Variants in INO80 observed in about 807,000 individuals in gnomAD.
INO80 encodes the protein INO80 complex ATPase subunit.
INO80 carries 20 observed loss-of-function variants against 203.4 expected under a neutral mutation model. The observed-to-expected ratio is 0.10, with a 90% CI of 0.07 to 0.14. The LOEUF (loss-of-function observed/expected upper bound fraction) is 0.14, where lower values mean the gene tolerates loss of function less well. Ranked by LOEUF, INO80 falls within the 10% of genes least tolerant of loss-of-function variation. The pLI is 1.00. For synonymous variants in INO80, 726 were observed against 685.2 expected (o/e 1.06, Z -0.93); for missense variants, 1,419 against 1,914.4 (o/e 0.74, Z 4.83).
intron 32 of INO80, 60 bp downstream of exon 32, chr15:40,985,278 C>CT: frequency 8.0e-7 from 1 of 1,248,946 alleles, no homozygotes; most frequent in Non-Finnish European, 1.2e-6. Context: ...ACCCCAAAGC[C>CT]TTTTTGGTAA....
chr15:41,067,089 C>A (rs1209270824), intron 14 of INO80, among the ~76,000 whole-genome samples: 2 of 151,690 alleles, frequency 1.3e-5, no homozygotes, highest in Non-Finnish European at 2.9e-5. Flanking sequence ...TTTCTTTTTT[C>A]TTTTTGAGAC....
At chr15:41,073,106 T>C (rs1475461585) in intron 11 of INO80, among the ~76,000 whole-genome samples, 1 of 151,986 alleles carries the variant, frequency 6.6e-6, no homozygotes, top group Non-Finnish European at 1.5e-5. Flanking sequence ...TAAACATCTA[T>C]GATACATTTC....
intron 23 of INO80, among the ~76,000 whole-genome samples, chr15:41,045,791 C>T (rs2044747586): frequency 6.6e-6 from 1 of 151,630 alleles, no homozygotes; most frequent in African/African-American, 2.4e-5. Context: ...ATCCCAGCTA[C>T]TTGGGAGGCT....
At chr15:41,071,642 G>A (rs1454200820) in intron 12 of INO80, among the ~76,000 whole-genome samples, 2 of 149,284 alleles carry the variant, frequency 1.3e-5, no homozygotes, top group South Asian at 4.2e-4. Context: ...TTTTTTTTTA[G>A]TAGAGATGGG....
chr15:41,083,365 A>G (rs1490275601), intron 7 of INO80, among the ~76,000 whole-genome samples: 2 of 152,128 alleles, frequency 1.3e-5, no homozygotes, highest in East Asian at 3.8e-4. Flanking sequence ...TTAATTTTAC[A>G]GTAGCAAAAC....
Position 41,096,114 on chromosome 15 carries a change from G to C in INO80, c.143+54C>G. ...ACTTTAATCCTGTAAAATCTGTAAG[G>C]ATGATGGAAATCAGGAATTTGGTAA... On this transcript the variant is annotated intron_variant, in intron 2 of 35. Transcript: ENST00000648947. 3 of 1,525,008 alleles carry C rather than the reference G, an allele frequency of 2.0e-6. No individual in the cohort carries two copies. In the South Asian group the frequency reaches 3.8e-5, roughly 20 times the overall value. 94.5% of individuals were successfully genotyped at this position (1,525,008 alleles called of 1,614,324 possible).
At chr15:41,110,592 C>T (rs938166491) in intron 1 of INO80, among the ~76,000 whole-genome samples, 6 of 152,268 alleles carry the variant, frequency 3.9e-5, no homozygotes, top group African/African-American at 1.4e-4. Context: ...GCATGCACCA[C>T]CACACCCGGC....
At position 41,095,771 on chromosome 15, in the gene INO80, C is replaced by T. The variant is rs149372207; in HGVS notation, c.301G>A (p.Val101Ile). The change falls in exon 3 of 36, where the codon GTT becomes ATT. Residue 101 changes from valine to isoleucine, a missense_variant. Transcript: ENST00000648947. ...GMLNTYSLNG[V>I]LQSESKCDKG... ...ACACCACACTGACCTGACTGTAGAA[C>T]TCCATTCAGAGAATATGTGTTTAAC... The T allele has an allele frequency of 5.0e-5, 80 of 1,613,980 alleles. No homozygotes were observed. The highest frequency in any genetic ancestry group is 6.1e-5 in the Non-Finnish European group (72 of 1,180,022).
intron 7 of INO80, among the ~76,000 whole-genome samples, chr15:41,083,733 A>T (rs1420273865): frequency 6.7e-6 from 1 of 149,610 alleles, no homozygotes; most frequent in East Asian, 2.0e-4. Flanking sequence ...AAAAAAAAAA[A>T]TTAAAACACA....
chr15:41,058,777 G>A lies in INO80; in HGVS notation c.1847C>T (p.Thr616Ile). 1 of 1,611,122 alleles carries A rather than the reference G, an allele frequency of 6.2e-7. No homozygotes were observed. The highest frequency in any genetic ancestry group is 8.5e-7 in the Non-Finnish European group (1 of 1,178,770). Residue 616 changes from threonine to isoleucine, a missense_variant, in exon 16 of 36, where the codon ACC becomes ATC. Physicochemically the swap from Thr to Ile is moderately conservative, Grantham distance 89. Around this residue, in one of 9 missense-constraint regions of INO80, gnomAD observed 192 missense variants for 406.7 expected, o/e 0.47. Coordinates refer to ENST00000648947, the MANE Select transcript of INO80 (RefSeq NM_017553.3). ...KVIRRFWSQK[T>I]LYTQDAPFHV... ...GAAGGGGGCATCCTGAGTGTAGAGG[G>A]TCTTCTGTAAATATAAAAGGGGAAG...
chr15:41,026,776 G>C (rs762500163), intron 25 of INO80, among the ~76,000 whole-genome samples: 1 of 152,176 alleles, frequency 6.6e-6, no homozygotes. Context: ...GCCACAGTTC[G>C]ATTATTTCCC....
In INO80 at chr15:41,032,753, G is replaced by A. The variant is rs374299433; in HGVS notation, c.2908-5017C>T. ...ACTAGAACTGTAGAGTATATAAAAT[G>A]TTCAGGCCAGGCGTGGTAGCTCATG... On this transcript the variant is annotated intron_variant, in intron 24 of 35. Coordinates refer to ENST00000648947, the MANE Select transcript of INO80 (RefSeq NM_017553.3). Among the ~76,000 whole-genome samples the A allele has an allele frequency of 3.9e-5, 6 of 152,180 alleles. No homozygotes were observed. In the East Asian group the frequency reaches 1.2e-3, roughly 29 times the overall value.
At chr15:41,057,831 A>G (rs2140552279) in intron 16 of INO80, among the ~76,000 whole-genome samples, 1 of 151,058 alleles carries the variant, frequency 6.6e-6, no homozygotes, top group Non-Finnish European at 1.5e-5. Context: ...GAAAGAAAGA[A>G]AAGAATAGAA....
chr15:40,983,100 AGG>A, intron 34 of INO80, 23 bp from the exon 35 acceptor site: 1 of 1,572,510 alleles, frequency 6.4e-7, no homozygotes. Flanking sequence ...ATGGGCCAAA[AGG>A]GAAAGAAAAA....
In INO80 at chr15:41,115,958, G is replaced by A. The variant is rs2046029108; in HGVS notation, c.-44+15C>T. The A allele has an allele frequency of 1.0e-5, 4 of 384,002 alleles. No individual in the cohort carries two copies. The highest frequency in any genetic ancestry group is 4.5e-5 in the Admixed American group (1 of 22,186). 23.8% of individuals were successfully genotyped at this position (384,002 alleles called of 1,614,324 possible). A position where few individuals can be genotyped will look rare whatever the true frequency, so the allele number is the denominator to read the frequency against. Reference sequence around the variant, plus strand: ...ACCCCCACTCCGTTCGCCCGCCCACGTCTAGTTGCCTCACCTCGGGCCGCC... The same window carrying A: ...ACCCCCACTCCGTTCGCCCGCCCACATCTAGTTGCCTCACCTCGGGCCGCC... On this transcript the variant is annotated intron_variant, in intron 1 of 35. Coordinates refer to ENST00000648947, the MANE Select transcript of INO80 (RefSeq NM_017553.3).
chr15:41,105,138 C>T (rs690773), intron 1 of INO80, among the ~76,000 whole-genome samples: 17,983 of 152,182 alleles, frequency 0.12, 3,177 homozygotes, highest in African/African-American at 0.38. Flanking sequence ...GTGATAATTA[C>T]ATAAAGAGCA....
At chr15:41,054,604 C>G (rs920796551) in intron 18 of INO80, among the ~76,000 whole-genome samples, 1 of 151,998 alleles carries the variant, frequency 6.6e-6, no homozygotes, top group East Asian at 1.9e-4. Flanking sequence ...CCCATTAGAC[C>G]CATAGCATTT....
chr15:41,062,659 G>A (rs1441397831), intron 14 of INO80, among the ~76,000 whole-genome samples: 2 of 152,064 alleles, frequency 1.3e-5, no homozygotes, highest in African/African-American at 4.8e-5. Context: ...AGCTTTCAGG[G>A]GTGAGAAGGT....
intron 27 of INO80, among the ~76,000 whole-genome samples, chr15:41,006,523 G>A (rs2044042406): frequency 6.6e-6 from 1 of 152,108 alleles, no homozygotes; most frequent in Non-Finnish European, 1.5e-5. Flanking sequence ...TTCTACATTT[G>A]GGAAATGTTT....
Sources: gnomAD v4.1 joint callset for allele counts (sites outside exome capture counted in the v4.1 genomes callset) on GRCh38, gnomAD v4.1.1 for gene constraint, gnomAD v4.1.1 regional missense constraint, MANE v1.5 for transcripts, NCBI Gene and HGNC (gene_info 2026-07-23, HGNC 2026-07-21) for gene names.